CRTAC1: variants seen among roughly 807,000 people sequenced by gnomAD.
CRTAC1 encodes acidic secreted protein in cartilage.
In CRTAC1, 37 loss-of-function variants were observed where a neutral mutation model predicts 67.8. That is an observed-to-expected ratio of 0.55 (90% confidence interval 0.42 to 0.72). The LOEUF (loss-of-function observed/expected upper bound fraction) is 0.72. Ranked by LOEUF, CRTAC1 falls within the 30% of genes least tolerant of loss-of-function variation. The pLI, the probability that CRTAC1 is intolerant of heterozygous loss-of-function variation, is 0.00. For missense variants in CRTAC1, 780 were observed against 931.6 expected (o/e 0.84, Z 2.12); for synonymous variants, 348 against 371.0 (o/e 0.94, Z 0.71).
intron 2 of CRTAC1, among the ~76,000 whole-genome samples, chr10:98,005,108 T>A (rs1401463734): frequency 8.1e-6 from 1 of 123,528 alleles, no homozygotes; most frequent in African/African-American, 3.4e-5. Context: ...ATATTTTTTT[T>A]TTTTTTTTTT....
chr10:98,005,100 A>ATATATTCTTTTTTT, intron 2 of CRTAC1, among the ~76,000 whole-genome samples: 1 of 48,926 alleles, frequency 2.0e-5, no homozygotes, highest in Non-Finnish European at 3.5e-5. Context: ...ATATATATAT[A>ATATATTCTTTTTTT]TTTTTTTTTT....
Position 97,865,110 on chromosome 10 carries a change from C to A in CRTAC1, c.*438G>T, listed in dbSNP as rs2050004692. 1.3e-5 allele frequency: 2 copies of A among 156,680 alleles called. No individual in the cohort carries two copies. Among genetic ancestry groups the A allele is most frequent in the African/African-American group, 4.8e-5 (2 of 41,670 alleles). 9.7% of individuals were successfully genotyped at this position (156,680 alleles called of 1,614,324 possible). A position where few individuals can be genotyped will look rare whatever the true frequency, so the allele number is the denominator to read the frequency against. ...ACATTTAATCTAATCTCCACACTAA[C>A]CCCAAGATTCTATTCTTAATCCCCA... On this transcript the variant is annotated 3_prime_UTR_variant, in exon 15 of 15. Transcript: ENST00000370597.
intron 1 of CRTAC1, among the ~76,000 whole-genome samples, chr10:98,013,555 A>G (rs17442369): frequency 0.16 from 24,806 of 152,216 alleles, 2,450 homozygotes; most frequent in Non-Finnish European, 0.22. Context: ...GCTGACCTCT[A>G]TTTTGCTTGG....
intron 5 of CRTAC1, among the ~76,000 whole-genome samples, chr10:97,912,419 G>T (rs1336114983): frequency 1.3e-5 from 2 of 152,122 alleles, no homozygotes; most frequent in African/African-American, 2.4e-5. Context: ...ATTTCCCCTA[G>T]CCACATTCTG....
intron 11 of CRTAC1, among the ~76,000 whole-genome samples, chr10:97,884,765 C>T (rs1444160643): frequency 6.6e-6 from 1 of 152,212 alleles, no homozygotes; most frequent in Non-Finnish European, 1.5e-5. Context: ...ACAGGCCAAG[C>T]ATCAGGAGGC....
At chr10:97,880,894 C>T (rs10786376) in intron 13 of CRTAC1, among the ~76,000 whole-genome samples, 24,390 of 152,072 alleles carry the variant, frequency 0.16, 2,409 homozygotes, top group East Asian at 0.41. Context: ...GAAATCAGAG[C>T]GACCCCTGAT....
rs552053804 is a variant in CRTAC1, at chr10:98,008,791, G to A, written c.224+2347C>T. Among the ~76,000 whole-genome samples the A allele has an allele frequency of 2.0e-5, 3 of 152,262 alleles. No individual in the cohort carries two copies. In the East Asian group the frequency reaches 5.8e-4, roughly 29 times the overall value. On this transcript the variant is annotated intron_variant, in intron 2 of 14. Transcript: ENST00000370597. The stretch of plus-strand genomic sequence containing the variant: ...AGGAGGGCATAATAGTAGCAACTTG[G>A]GGGGCGAGGAGGAGGAGAGAAGGAC...
intron 13 of CRTAC1, among the ~76,000 whole-genome samples, chr10:97,881,127 G>A (rs1165993717): frequency 6.6e-6 from 1 of 152,130 alleles, no homozygotes; most frequent in Non-Finnish European, 1.5e-5. Context: ...AGCAGCTGGA[G>A]GGAGCCTTTA....
At chr10:97,913,265 A>G (rs1234098016) in intron 5 of CRTAC1, among the ~76,000 whole-genome samples, 1 of 151,974 alleles carries the variant, frequency 6.6e-6, no homozygotes, top group African/African-American at 2.4e-5. Flanking sequence ...TGGTGTTGCC[A>G]CTCCCAAGCC....
chr10:97,931,567 G>C (rs888978861), intron 3 of CRTAC1, among the ~76,000 whole-genome samples: 5 of 152,226 alleles, frequency 3.3e-5, no homozygotes, highest in African/African-American at 1.2e-4. Flanking sequence ...TAAATGAAAA[G>C]AGCAAAGAGT....
intron 2 of CRTAC1, among the ~76,000 whole-genome samples, chr10:97,944,966 G>A (rs570393431): frequency 6.6e-6 from 1 of 152,324 alleles, no homozygotes; most frequent in Non-Finnish European, 1.5e-5. Context: ...GATGTCACAT[G>A]GAGCAGAAGA....
Position 97,895,336 on chromosome 10 carries a change from G to A in CRTAC1, c.1395C>T (p.Leu465=), listed in dbSNP as rs1400523791. The change falls in exon 11 of 15, where the codon CTC becomes CTT. Residue 465 remains leucine (L), a synonymous_variant. Transcript: ENST00000370597. This position sits in a 1 kb window ranked among gnomAD's most constrained non-coding sequence, Gnocchi z 4.2. ...GAFARGAKVV[L]YTKKSGAHLR... ...GGTGGGCCCCACTCTTCTTGGTGTA[G>A]AGCACGACCTTAGCTCCCCTGGCAA... 1 of 1,613,874 alleles carries A rather than the reference G, an allele frequency of 6.2e-7. No homozygotes were observed. The highest frequency in any genetic ancestry group is 1.1e-5 in the South Asian group (1 of 91,056).
chr10:97,960,194 C>T (rs935198904), intron 2 of CRTAC1, among the ~76,000 whole-genome samples: 2 of 152,258 alleles, frequency 1.3e-5, no homozygotes, highest in African/African-American at 4.8e-5. Context: ...ATAGCGGTCT[C>T]AGCCCTGGGG....
chr10:97,987,932 TG>T (rs1418677104), intron 2 of CRTAC1, among the ~76,000 whole-genome samples: 12 of 152,214 alleles, frequency 7.9e-5, no homozygotes, highest in African/African-American at 2.9e-4. Context: ...GATGGGCATA[TG>T]GTCACCCAGA....
At chr10:97,893,296 T>A (rs1055015805) in intron 11 of CRTAC1, among the ~76,000 whole-genome samples, 7 of 152,192 alleles carry the variant, frequency 4.6e-5, no homozygotes, top group African/African-American at 1.7e-4. Flanking sequence ...AACATTTGTA[T>A]TTACTAATTT....
intron 3 of CRTAC1, among the ~76,000 whole-genome samples, chr10:97,926,336 A>G (rs1391175731): frequency 2.0e-5 from 3 of 152,160 alleles, no homozygotes; most frequent in Admixed American, 1.3e-4. Context: ...TGGTTTCCTC[A>G]TCTAAAAGTT....
intron 14 of CRTAC1, chr10:97,870,495 G>A (rs1394745033): frequency 6.6e-6 from 1 of 152,162 alleles, no homozygotes; most frequent in Admixed American, 6.5e-5. Context: ...AGCTCAGGAT[G>A]TTCTGTTTCT....
At chr10:97,942,437 T>C (rs1434182462) in intron 2 of CRTAC1, among the ~76,000 whole-genome samples, 1 of 152,172 alleles carries the variant, frequency 6.6e-6, no homozygotes, top group East Asian at 1.9e-4. Context: ...AACATAGTCA[T>C]GAAAAAGAGC....
chr10:97,951,643 T>C (rs1462166015), intron 2 of CRTAC1, among the ~76,000 whole-genome samples: 8 of 152,218 alleles, frequency 5.3e-5, no homozygotes, highest in Non-Finnish European at 1.5e-5. Context: ...TGTATAAAAA[T>C]TACCTACCTG....
Sources: gnomAD v4.1 joint callset for allele counts (sites outside exome capture counted in the v4.1 genomes callset) on GRCh38, gnomAD v4.1.1 for gene constraint, Gnocchi (gnomAD v3.1) non-coding constraint, MANE v1.5 for transcripts, NCBI Gene and HGNC (gene_info 2026-07-23, HGNC 2026-07-21) for gene names.